The following SLC4A7 variants were observed in gnomAD, a reference collection of about 807,000 sequenced individuals.
The protein encoded by SLC4A7 is sodium bicarbonate cotransporter 3.
In SLC4A7, 51 loss-of-function variants were observed where a neutral mutation model predicts 137.6. That is an observed-to-expected ratio of 0.37 (90% confidence interval 0.30 to 0.47). SLC4A7 has a LOEUF of 0.47. SLC4A7 is among the 20% of genes least tolerant of loss of function. The probability of loss-of-function intolerance (pLI) is 1.00; values close to 1 mark genes in which losing one functional copy is unlikely to be tolerated. For missense variants in SLC4A7, 1,247 were observed against 1,525.4 expected (o/e 0.82, Z 3.04); for synonymous variants, 542 against 518.6 (o/e 1.05, Z -0.61).
intron 24 of SLC4A7, among the ~76,000 whole-genome samples, chr3:27,380,314 TAAAAA>T (rs60223718): frequency 2.9e-5 from 4 of 136,350 alleles, no homozygotes; most frequent in Admixed American, 7.4e-5. Flanking sequence ...CTCCAGAATT[TAAAAA>T]AAAAAAAAAA....
chr3:27,469,107 A>G (rs2059129946), intron 1 of SLC4A7, among the ~76,000 whole-genome samples: 1 of 145,910 alleles, frequency 6.9e-6, no homozygotes, highest in Non-Finnish European at 1.6e-5. Context: ...ACTGCGTCTC[A>G]ATAAAAGAAA....
intron 11 of SLC4A7, among the ~76,000 whole-genome samples, chr3:27,416,465 T>G (rs1371429205): frequency 2.0e-5 from 3 of 152,180 alleles, no homozygotes; most frequent in Non-Finnish European, 2.9e-5. Flanking sequence ...GTATATATCT[T>G]ATGGTAATAA....
At position 27,448,781 on chromosome 3, in the gene SLC4A7, A is replaced by G; in HGVS notation, c.159T>C (p.Tyr53=). Residue 53 remains tyrosine (Y), a synonymous_variant, in exon 3 of 26, where the codon TAT becomes TAC. Coordinates refer to ENST00000454389, the MANE Select transcript of SLC4A7 (RefSeq NM_001321103.2). Reference sequence around the variant, plus strand: ...TACTAAACGGGACGTGAACACCAATATATACAGCTCTATGACCTATTAAAA... The same window carrying G: ...TACTAAACGGGACGTGAACACCAATGTATACAGCTCTATGACCTATTAAAA... ...KEELESHRAV[Y]IGVHVPFSKE... 2 of 1,611,916 alleles carry G rather than the reference A, an allele frequency of 1.2e-6. No homozygotes were observed. Among genetic ancestry groups the G allele is most frequent in the South Asian group, 2.2e-5 (2 of 90,908 alleles).
Position 27,436,470 on chromosome 3 carries a change from G to A in SLC4A7, c.507C>T (p.His169=), listed in dbSNP as rs2056748587. ...SKPYVATLSL[H]SLFELRSCIL... ...TGCAACTCCTTAGTTCAAAAAGACT[G>A]TGCAAAGAGAGAGTTGCCACATAAG... The change falls in exon 5 of 26, where the codon CAC becomes CAT. Residue 169 remains histidine, a synonymous_variant. Coordinates refer to ENST00000454389, the MANE Select transcript of SLC4A7 (RefSeq NM_001321103.2). The A allele has an allele frequency of 6.2e-7, 1 of 1,613,284 alleles. No individual in the cohort carries two copies. Among genetic ancestry groups the A allele is most frequent in the Non-Finnish European group, 8.5e-7 (1 of 1,179,354 alleles).
intron 1 of SLC4A7, among the ~76,000 whole-genome samples, chr3:27,465,704 A>C (rs915274025): frequency 6.6e-6 from 1 of 152,132 alleles, no homozygotes; most frequent in South Asian, 2.1e-4. Context: ...TCACGCCTGT[A>C]ATCCCAGCAC....
chr3:27,450,189 A>G lies in SLC4A7; in HGVS notation c.143-1392T>C, dbSNP rs187063445. Reference sequence around the variant, plus strand: ...TAAAAGAGGGACAACTTAACAAAACATACTGAACTATTTGTTTAAACTTCT... The same window carrying G: ...TAAAAGAGGGACAACTTAACAAAACGTACTGAACTATTTGTTTAAACTTCT... On this transcript the variant is annotated intron_variant, in intron 2 of 25. Coordinates refer to ENST00000454389, the MANE Select transcript of SLC4A7 (RefSeq NM_001321103.2). 3.8e-3 allele frequency among the ~76,000 whole-genome samples: 586 copies of G among 152,264 alleles called. 4 individuals carry two copies. Among genetic ancestry groups the G allele is most frequent in the South Asian group, 6.4e-3 (31 of 4,822 alleles).
chr3:27,397,532 T>A, intron 18 of SLC4A7, 152 bp downstream of exon 18: 1 of 584,098 alleles, frequency 1.7e-6, no homozygotes, highest in Non-Finnish European at 3.0e-6. Flanking sequence ...TATATACATA[T>A]GAAAAACACA....
intron 7 of SLC4A7, among the ~76,000 whole-genome samples, chr3:27,430,295 C>CTGCA (rs2150362724): frequency 6.8e-6 from 1 of 146,650 alleles, no homozygotes; most frequent in East Asian, 2.0e-4. Flanking sequence ...TATGAGTGAA[C>CTGCA]TGCATGCACA....
intron 2 of SLC4A7, among the ~76,000 whole-genome samples, chr3:27,450,476 A>C (rs896483284): frequency 3.3e-5 from 5 of 152,078 alleles, no homozygotes; most frequent in Non-Finnish European, 5.9e-5. Flanking sequence ...ATATAAAAAA[A>C]CTCAATTTTA....
chr3:27,476,386 T>C (rs1029862686), intron 1 of SLC4A7, among the ~76,000 whole-genome samples: 1 of 152,210 alleles, frequency 6.6e-6, no homozygotes, highest in South Asian at 2.1e-4. Context: ...GGCAGTTGTA[T>C]CAAGCAAAGT....
chr3:27,386,535 T>G (rs1458620506), intron 22 of SLC4A7, among the ~76,000 whole-genome samples: 2 of 152,136 alleles, frequency 1.3e-5, no homozygotes, highest in Non-Finnish European at 2.9e-5. Context: ...GATTTCCACT[T>G]CTGTACCTGC....
At chr3:27,380,403 A>G (rs746373890) in intron 24 of SLC4A7, among the ~76,000 whole-genome samples, 22 of 152,166 alleles carry the variant, frequency 1.4e-4, no homozygotes, top group Non-Finnish European at 2.2e-4. Context: ...AATTACTTCA[A>G]GACCTCAAAT....
intron 1 of SLC4A7, among the ~76,000 whole-genome samples, chr3:27,465,075 A>T (rs2058909866): frequency 6.6e-6 from 1 of 152,034 alleles, no homozygotes; most frequent in African/African-American, 2.4e-5. Flanking sequence ...AGGTGGGCGG[A>T]TTGCCTGAGC....
chr3:27,410,295 G>T (rs139073776), intron 12 of SLC4A7, among the ~76,000 whole-genome samples: 1 of 152,026 alleles, frequency 6.6e-6, no homozygotes, highest in Non-Finnish European at 1.5e-5. Context: ...TGTTCACTGC[G>T]TTATCTACAG....
At chr3:27,463,696 G>A (rs1246748153) in intron 1 of SLC4A7, among the ~76,000 whole-genome samples, 1 of 152,102 alleles carries the variant, frequency 6.6e-6, no homozygotes, top group Non-Finnish European at 1.5e-5. Context: ...ATTTGCCGGG[G>A]GGAAGAACCT....
At position 27,475,871 on chromosome 3, in the gene SLC4A7, C is replaced by A. The variant is rs1186904786; in HGVS notation, c.60+8196G>T. On this transcript the variant is annotated intron_variant, in intron 1 of 25. Coordinates refer to ENST00000454389, the MANE Select transcript of SLC4A7 (RefSeq NM_001321103.2). ...TGGCTAATTACAGCACCTGTATAAACATTTATGCATGGATTGGCAAGCTAG... is the reference window on the plus strand; with the variant it reads ...TGGCTAATTACAGCACCTGTATAAAAATTTATGCATGGATTGGCAAGCTAG... Among the ~76,000 whole-genome samples, 9 of 152,248 alleles carry A rather than the reference C, an allele frequency of 5.9e-5. No homozygotes were observed. In the East Asian group the frequency reaches 1.7e-3, roughly 29 times the overall value.
Position 27,383,251 on chromosome 3 carries a change from C to CTAA in SLC4A7, c.3493-2_3493-1insTTA. ...CATCTTGAAGCATCCGTTCAGCTTC[C>CTAA]TTTATAACACATGTGTGAAGAGGTT... On this transcript the variant is annotated splice_acceptor_variant, in intron 23 of 25. Transcript: ENST00000454389. LOFTEE classifies it high-confidence loss of function. 3.8e-6 allele frequency: 6 copies of CTAA among 1,582,738 alleles called. No individual in the cohort carries two copies. Among genetic ancestry groups the CTAA allele is most frequent in the Non-Finnish European group, 4.3e-6 (5 of 1,152,858 alleles).
In SLC4A7 at chr3:27,422,059, A is replaced by T. The variant is rs138807256; in HGVS notation, c.1267-280T>A. The stretch of plus-strand genomic sequence containing the variant: ...TTCAATGAATACTGCACTATTCATT[A>T]AAAACTATTAAGGACAAATATGTAG... On this transcript the variant is annotated intron_variant, in intron 8 of 25. Transcript: ENST00000454389. Among the ~76,000 whole-genome samples, 475 of 152,332 alleles carry T rather than the reference A, an allele frequency of 3.1e-3. 3 individuals are homozygous for T. Among genetic ancestry groups the T allele is most frequent in the African/African-American group, 0.011 (461 of 41,578 alleles).
intron 3 of SLC4A7, among the ~76,000 whole-genome samples, chr3:27,438,653 TAAC>T (rs1213757983): frequency 7.8e-6 from 1 of 127,770 alleles, no homozygotes; most frequent in African/African-American, 2.9e-5. Context: ...TAAAACAAAA[TAAC>T]AAACATAACA....
Sources: allele counts gnomAD v4.1 joint callset (sites outside exome capture counted in the v4.1 genomes callset), GRCh38; gene constraint gnomAD v4.1.1; transcripts MANE v1.5; gene names NCBI Gene and HGNC (gene_info 2026-07-23, HGNC 2026-07-21).